The following BCL7C variants were observed in gnomAD, a reference collection of about 807,000 sequenced individuals.
The protein encoded by BCL7C is B-cell CLL/lymphoma 7 protein family member C.
BCL7C carries 8 observed loss-of-function variants against 26.2 expected under a neutral mutation model. The observed-to-expected ratio is 0.30, with a 90% CI of 0.18 to 0.55. The LOEUF is 0.55. Among genes scored for constraint, BCL7C ranks in the 20% least tolerant of loss-of-function variants. BCL7C has a pLI of 0.93. For missense variants in BCL7C, 262 were observed against 298.5 expected, an observed-to-expected ratio of 0.88 and a Z score of 0.90; for synonymous variants, 90 against 116.5, an observed-to-expected ratio of 0.77 and a Z score of 1.47.
chr16:30,850,205 A>G (rs1297245118), intron 5 of BCL7C, among the ~76,000 whole-genome samples: 5 of 117,690 alleles, frequency 4.2e-5, no homozygotes. Flanking sequence ...GCGAGACTCC[A>G]TCTCAAAAAA....
intron 5 of BCL7C, among the ~76,000 whole-genome samples, chr16:30,868,958 T>G (rs2054857424): frequency 1.3e-5 from 2 of 152,212 alleles, no homozygotes; most frequent in Admixed American, 6.5e-5. Flanking sequence ...ATTTTTTCTT[T>G]TTTTTTGAAC....
At chr16:30,889,053 C>T in intron 4 of BCL7C, 108 bp from the exon 5 acceptor site, 4 of 1,076,380 alleles carry the variant, frequency 3.7e-6, no homozygotes, top group Non-Finnish European at 5.7e-6. Flanking sequence ...GGGCAGAGGG[C>T]CATGGGAGCA....
intron 5 of BCL7C, among the ~76,000 whole-genome samples, chr16:30,868,939 G>T (rs1263134791): frequency 4.0e-5 from 6 of 151,792 alleles, no homozygotes; most frequent in Non-Finnish European, 7.4e-5. Context: ...CTTTTAAAAT[G>T]AATCTGTAAT....
At chr16:30,873,570 C>T (rs1177218915) in intron 5 of BCL7C, among the ~76,000 whole-genome samples, 11 of 151,878 alleles carry the variant, frequency 7.2e-5, no homozygotes, top group Admixed American at 3.3e-4. Context: ...ATATATGGGC[C>T]GGGTGTGATG....
intron 5 of BCL7C, among the ~76,000 whole-genome samples, chr16:30,850,902 T>C (rs1023908654): frequency 6.6e-6 from 1 of 152,260 alleles, no homozygotes; most frequent in East Asian, 1.9e-4. Flanking sequence ...TCTGCAGTAA[T>C]AAATTAATTT....
chr16:30,867,585 G>C (rs1024915873), intron 5 of BCL7C, among the ~76,000 whole-genome samples: 5 of 152,114 alleles, frequency 3.3e-5, no homozygotes, highest in African/African-American at 1.2e-4. Flanking sequence ...CTGAGGTCAG[G>C]AGTTCGAGAC....
chr16:30,858,925 G>T (rs758063513), intron 5 of BCL7C, among the ~76,000 whole-genome samples: 30 of 152,120 alleles, frequency 2.0e-4, no homozygotes, highest in Non-Finnish European at 4.0e-4. Flanking sequence ...CAGACAAAAA[G>T]ATTAGGTTAC....
At chr16:30,841,849 G>A (rs1412666286) in intron 5 of BCL7C, among the ~76,000 whole-genome samples, 1 of 151,668 alleles carries the variant, frequency 6.6e-6, no homozygotes, top group Non-Finnish European at 1.5e-5. Flanking sequence ...CAGCCACTCG[G>A]GAGGCTGAGG....
intron 5 of BCL7C, chr16:30,851,942 T>C (rs915124130): frequency 5.0e-5 from 9 of 181,258 alleles, no homozygotes; most frequent in Non-Finnish European, 9.7e-5. Flanking sequence ...ATTTTTTTAA[T>C]TTTTGGTAAG....
At chr16:30,836,618 G>T (rs545293661) in intron 5 of BCL7C, among the ~76,000 whole-genome samples, 52 of 152,014 alleles carry the variant, frequency 3.4e-4, no homozygotes, top group African/African-American at 1.2e-3. Context: ...GGGACTTACA[G>T]GTGCATATCA....
At chr16:30,878,777 A>T (rs1434781597) in intron 5 of BCL7C, among the ~76,000 whole-genome samples, 1 of 150,660 alleles carries the variant, frequency 6.6e-6, no homozygotes, top group Admixed American at 6.7e-5. Flanking sequence ...CGGGAGGCAG[A>T]GGTTGCAGTG....
intron 5 of BCL7C, among the ~76,000 whole-genome samples, chr16:30,846,236 A>T (rs2054634647): frequency 6.9e-6 from 1 of 143,988 alleles, no homozygotes; most frequent in Admixed American, 7.0e-5. Context: ...TTATTTATTT[A>T]TTTTTTGGAG....
intron 5 of BCL7C, among the ~76,000 whole-genome samples, chr16:30,861,319 C>A (rs1336010872): frequency 1.3e-5 from 2 of 152,154 alleles, no homozygotes; most frequent in Non-Finnish European, 2.9e-5. Flanking sequence ...CAACTCCTTG[C>A]CTCCACTGTG....
Position 30,889,141 on chromosome 16 carries a change from C to A in BCL7C, c.443-196G>T, listed in dbSNP as rs180795071. The stretch of plus-strand genomic sequence containing the variant: ...CTGATGTGGGAGCTCGAGGGTGATG[C>A]GGTGGACAGGAAAGTATGACACGTG... On this transcript the variant is annotated intron_variant, in intron 4 of 5. Coordinates refer to ENST00000215115, the MANE Select transcript of BCL7C (RefSeq NM_004765.4). Among the ~76,000 whole-genome samples the A allele has an allele frequency of 5.1e-4, 78 of 152,248 alleles. 1 individual carries two copies. The highest frequency in any genetic ancestry group is 3.7e-3 in the East Asian group (19 of 5,176).
intron 5 of BCL7C, among the ~76,000 whole-genome samples, chr16:30,845,114 G>A (rs1189363970): frequency 6.6e-6 from 1 of 152,052 alleles, no homozygotes; most frequent in Non-Finnish European, 1.5e-5. Flanking sequence ...ACCACATGCC[G>A]CCTTTGCTGT....
rs2055283068 is a variant in BCL7C, at chr16:30,893,199, G to A, written c.171+13C>T. ...CACAGATGCAGGGCCTTGTGGGAAT[G>A]GGGGTTGCTCACCTCCTCCTGGGGA... On this transcript the variant is annotated intron_variant, in intron 2 of 5. Coordinates refer to ENST00000215115, the MANE Select transcript of BCL7C (RefSeq NM_004765.4). This position sits in a 1 kb window ranked among gnomAD's most constrained non-coding sequence, Gnocchi z 5.2. 6.2e-7 allele frequency: 1 copy of A among 1,611,122 alleles called. No individual in the cohort carries two copies. The highest frequency in any genetic ancestry group is 8.5e-7 in the Non-Finnish European group (1 of 1,178,174).
chr16:30,888,006 G>C lies in BCL7C; in HGVS notation c.529-16C>G, dbSNP rs1468188307. ...CTTCGGGGGCCTGGAGAGGAAGGGT[G>C]GACAGGCGTGAGCTCCACAGAACCC... On this transcript the variant is annotated splice_polypyrimidine_tract_variant and intron_variant, in intron 5 of 5. Coordinates refer to ENST00000215115, the MANE Select transcript of BCL7C (RefSeq NM_004765.4). 6.2e-7 allele frequency: 1 copy of C among 1,600,508 alleles called. No individual in the cohort carries two copies. The highest frequency in any genetic ancestry group is 1.4e-5 in the African/African-American group (1 of 73,836).
intron 5 of BCL7C, among the ~76,000 whole-genome samples, chr16:30,877,292 G>A (rs2054964771): frequency 6.6e-6 from 1 of 152,044 alleles, no homozygotes; most frequent in South Asian, 2.1e-4. Flanking sequence ...ATTTTTGGTA[G>A]AGACAGGATC....
intron 5 of BCL7C, among the ~76,000 whole-genome samples, chr16:30,842,724 G>A (rs370001585): frequency 2.2e-4 from 33 of 152,004 alleles, no homozygotes; most frequent in African/African-American, 4.1e-4. Flanking sequence ...GCCCGCCACC[G>A]CTCCCAGCTA....
Sources: gnomAD v4.1 joint callset for allele counts (sites outside exome capture counted in the v4.1 genomes callset) on GRCh38, gnomAD v4.1.1 for gene constraint, Gnocchi (gnomAD v3.1) non-coding constraint, MANE v1.5 for transcripts, NCBI Gene and HGNC (gene_info 2026-07-23, HGNC 2026-07-21) for gene names.